TRIM37: variants seen among roughly 807,000 people sequenced by gnomAD.
The protein encoded by TRIM37 is tripartite motif containing 37, also known as E3 ubiquitin-protein ligase TRIM37.
A neutral mutation model predicts 129.8 loss-of-function variants in TRIM37; 80 were observed. The ratio of observed to expected loss-of-function variants is 0.62; its 90% CI spans 0.51 to 0.74. The LOEUF is 0.74. Among genes scored for constraint, TRIM37 ranks in the 30% least tolerant of loss-of-function variants. TRIM37 has a pLI of 0.00. For missense variants in TRIM37, 1,054 were observed against 1,176.5 expected (o/e 0.90, Z 1.52); for synonymous variants, 389 against 387.1 (o/e 1.00, Z -0.06).
chr17:59,075,027 C>T (rs1167809467), intron 8 of TRIM37, among the ~76,000 whole-genome samples: 1 of 152,110 alleles, frequency 6.6e-6, no homozygotes, highest in Admixed American at 6.5e-5. Context: ...AATAATATCT[C>T]AAAGCCACCA....
intron 4 of TRIM37, among the ~76,000 whole-genome samples, chr17:59,087,642 A>C (rs1432201875): frequency 6.6e-6 from 1 of 151,962 alleles, no homozygotes; most frequent in Non-Finnish European, 1.5e-5. Context: ...AGAAACAGAT[A>C]AATTTTTTTC....
At chr17:59,031,419 T>C (rs926483806) in intron 18 of TRIM37, among the ~76,000 whole-genome samples, 3 of 152,238 alleles carry the variant, frequency 2.0e-5, no homozygotes, top group African/African-American at 4.8e-5. Flanking sequence ...CATTTTATTA[T>C]AGTAACACAA....
At chr17:59,012,793 T>C (rs1185438948) in intron 21 of TRIM37, among the ~76,000 whole-genome samples, 1 of 151,944 alleles carries the variant, frequency 6.6e-6, no homozygotes, top group Non-Finnish European at 1.5e-5. Context: ...AGAGAATTTC[T>C]TGAACCCGGG....
chr17:59,060,943 G>A (rs899929914), intron 12 of TRIM37, 89 bp downstream of exon 12: 2 of 876,574 alleles, frequency 2.3e-6, no homozygotes, highest in African/African-American at 1.7e-5. Flanking sequence ...TACCAATACA[G>A]TAATTAACAA....
intron 19 of TRIM37, among the ~76,000 whole-genome samples, chr17:59,024,112 G>A (rs2036941587): frequency 6.6e-6 from 1 of 151,136 alleles, no homozygotes; most frequent in African/African-American, 2.4e-5. Flanking sequence ...TACTTGGGAG[G>A]CTGACAAAGA....
intron 13 of TRIM37, among the ~76,000 whole-genome samples, chr17:59,056,673 T>C (rs1411643513): frequency 2.5e-5 from 3 of 117,650 alleles, no homozygotes; most frequent in African/African-American, 9.6e-5. Flanking sequence ...GAGCTTGTAG[T>C]GAGCCGAGAT....
intron 22 of TRIM37, 86 bp downstream of exon 22, chr17:59,012,242 C>T (rs878857188): frequency 1.8e-6 from 1 of 570,198 alleles, no homozygotes; most frequent in Non-Finnish European, 2.9e-6. Context: ...ACCACCACCA[C>T]CACCACCACC....
intron 22 of TRIM37, 24 bp downstream of exon 22, chr17:59,012,304 A>C: frequency 6.7e-7 from 1 of 1,493,762 alleles, no homozygotes; most frequent in Non-Finnish European, 9.3e-7. Context: ...TTTCCTGCTT[A>C]CTTATAAGTT....
intron 17 of TRIM37, among the ~76,000 whole-genome samples, chr17:59,033,646 C>G (rs1294939161): frequency 6.6e-6 from 1 of 151,904 alleles, no homozygotes; most frequent in Non-Finnish European, 1.5e-5. Flanking sequence ...GATCTCCTAA[C>G]CTAGTGATCC....
At chr17:58,971,798 A>G in the TRIM37 span, among the ~76,000 whole-genome samples, 7 of 152,230 alleles carry the variant, frequency 4.6e-5, no homozygotes, top group African/African-American at 1.7e-4. Flanking sequence ...ACTGGGAGGA[A>G]AAAGAATTTC....
At chr17:59,027,752 G>A (rs1179088112) in intron 19 of TRIM37, among the ~76,000 whole-genome samples, 3 of 151,936 alleles carry the variant, frequency 2.0e-5, no homozygotes, top group African/African-American at 7.3e-5. Context: ...AATAAAACTC[G>A]AACTCCTTTT....
rs926791842 is a variant in TRIM37 at position 59,088,320 on chromosome 17, G to A, written c.252C>T (p.Leu84=). 3.8e-5 allele frequency: 62 copies of A among 1,612,694 alleles called. No homozygotes were observed. The highest frequency in any genetic ancestry group is 5.0e-5 in the Non-Finnish European group (59 of 1,179,042). ...CCTTTTCATTTTCTTCATGTTTGGT[G>A]AGACTGCAGAGTTGAAGAGTATCAA... ...QQLDTLQLCS[L]TKHEENEKDK... Residue 84 remains leucine (L), a synonymous_variant, in exon 4 of 24, where the codon CTC becomes CTT. Coordinates refer to ENST00000262294, the MANE Select transcript of TRIM37 (RefSeq NM_015294.6).
chr17:59,054,311 G>C (rs112475117), intron 13 of TRIM37, among the ~76,000 whole-genome samples: 2 of 151,682 alleles, frequency 1.3e-5, no homozygotes, highest in Admixed American at 6.6e-5. Context: ...TTTGTTTTTT[G>C]TTTTTTTAAG....
intron 8 of TRIM37, among the ~76,000 whole-genome samples, chr17:59,074,486 C>G (rs1273241838): frequency 2.0e-5 from 3 of 152,026 alleles, no homozygotes; most frequent in Non-Finnish European, 2.9e-5. Context: ...TGTGCTGAAT[C>G]CTACAAGCCA....
intron 8 of TRIM37, among the ~76,000 whole-genome samples, chr17:59,073,365 C>T (rs1341755724): frequency 6.6e-6 from 1 of 151,996 alleles, no homozygotes; most frequent in Non-Finnish European, 1.5e-5. Flanking sequence ...ACGATCTCGG[C>T]TCACCGCAGC....
chr17:59,083,862 C>A (rs549754529), intron 5 of TRIM37, 140 bp downstream of exon 5: 2 of 722,578 alleles, frequency 2.8e-6, no homozygotes, highest in East Asian at 2.7e-5. Flanking sequence ...AGTACAATAC[C>A]TTTAATAAAG....
Position 59,081,342 on chromosome 17 carries a change from C to G in TRIM37, c.370-123G>C. 2.9e-6 allele frequency: 4 copies of G among 1,399,060 alleles called. No individual in the cohort carries two copies. In the South Asian group the frequency reaches 5.0e-5, roughly 17 times the overall value. The allele number at this position is 1,399,060 out of a possible 1,614,324, so 86.7% of individuals were successfully genotyped here. Reference sequence around the variant, plus strand: ...TCTCAAATGAACTTTACCTTATTAGCTAATTTAATTTTGTTGAAGCAGGCC... The same window carrying G: ...TCTCAAATGAACTTTACCTTATTAGGTAATTTAATTTTGTTGAAGCAGGCC... On this transcript the variant is annotated intron_variant, in intron 5 of 23. Transcript: ENST00000262294.
chr17:59,017,641 C>G (rs2036116439), intron 19 of TRIM37, among the ~76,000 whole-genome samples: 1 of 151,062 alleles, frequency 6.6e-6, no homozygotes, highest in African/African-American at 2.4e-5. Flanking sequence ...TTTTTTTCCC[C>G]CAGATGGAGT....
At chr17:59,103,265 T>C (rs2045682603) in intron 2 of TRIM37, among the ~76,000 whole-genome samples, 1 of 152,160 alleles carries the variant, frequency 6.6e-6, no homozygotes, top group East Asian at 1.9e-4. Flanking sequence ...ACAAGGCAGT[T>C]TTCAACTATG....
Sources: allele counts gnomAD v4.1 joint callset (sites outside exome capture counted in the v4.1 genomes callset), GRCh38; gene constraint gnomAD v4.1.1; transcripts MANE v1.5; gene names NCBI Gene and HGNC (gene_info 2026-07-23, HGNC 2026-07-21).